The following RASA3 variants were observed in gnomAD, a reference collection of about 807,000 sequenced individuals.
The protein encoded by RASA3 is ras GTPase-activating protein 3.
A neutral mutation model predicts 110.0 loss-of-function variants in RASA3; 73 were observed. The observed-to-expected ratio is 0.66, with a 90% confidence interval of 0.55 to 0.81. The LOEUF (loss-of-function observed/expected upper bound fraction) is 0.81, where lower values mean the gene tolerates loss of function less well. Among genes scored for constraint, RASA3 ranks in the 30% least tolerant of loss-of-function variants. RASA3 has a pLI of 0.00. For missense variants in RASA3, 976 were observed against 1,113.2 expected (o/e 0.88, Z 1.75); for synonymous variants, 500 against 451.4 (o/e 1.11, Z -1.37).
At chr13:114,069,669 AGGGGGCCGGGAAACTG>A (rs2079526836) in intron 2 of RASA3, among the ~76,000 whole-genome samples, 1 of 1,342 alleles carries the variant, frequency 7.5e-4, no homozygotes, top group African/African-American at 3.4e-3. Flanking sequence ...CGGGAAACTG[AGGGGGCCGGGAAACTG>A]GGGGGCCAGG....
At chr13:114,129,195 G>C (rs137980684) in intron 1 of RASA3, among the ~76,000 whole-genome samples, 3 of 152,342 alleles carry the variant, frequency 2.0e-5, no homozygotes, top group African/African-American at 7.2e-5. Context: ...GATCGCATAG[G>C]AAGTGTGGCT....
At chr13:114,033,132 C>T (rs1204456639) in intron 4 of RASA3, among the ~76,000 whole-genome samples, 2 of 96,268 alleles carry the variant, frequency 2.1e-5, no homozygotes, top group Non-Finnish European at 4.1e-5. Flanking sequence ...CACGGAACCC[C>T]CGCACTGACA....
Position 114,114,924 on chromosome 13 carries a change from C to T in RASA3, c.55+17511G>A, listed in dbSNP as rs978045917. Among the ~76,000 whole-genome samples the T allele has an allele frequency of 1.9e-4, 29 of 152,062 alleles. No homozygotes were observed. Among genetic ancestry groups the T allele is most frequent in the African/African-American group, 6.3e-4 (26 of 41,408 alleles). On this transcript the variant is annotated intron_variant, in intron 1 of 23. Coordinates refer to ENST00000334062, the MANE Select transcript of RASA3 (RefSeq NM_007368.4). This position sits in a 1 kb window ranked among gnomAD's most constrained non-coding sequence, Gnocchi z 4.8. ...GAAATTCCCGGGCACGACCCCTGGC[C>T]GTGGGTGAAAGCACCCCCAGCCCCA...
chr13:114,009,258 C>T lies in RASA3; in HGVS notation c.1668+129G>A, dbSNP rs571643284. 26 of 745,444 alleles carry T rather than the reference C, an allele frequency of 3.5e-5. No homozygotes were observed. The East Asian group carries it at 3.5e-4, about 10-fold the overall frequency. 46.2% of individuals were successfully genotyped at this position (745,444 alleles called of 1,614,324 possible). A position where few individuals can be genotyped will look rare whatever the true frequency, so the allele number is the denominator to read the frequency against. On this transcript the variant is annotated intron_variant, in intron 17 of 23. Coordinates refer to ENST00000334062, the MANE Select transcript of RASA3 (RefSeq NM_007368.4). ...TGTCTGGACAGCGCTGTGAATGCAC[C>T]GAACGCCTTTATTGTTTAAAATCGC...
intron 1 of RASA3, among the ~76,000 whole-genome samples, chr13:114,130,699 C>T (rs984459537): frequency 2.6e-5 from 4 of 152,224 alleles, no homozygotes; most frequent in Non-Finnish European, 5.9e-5. Context: ...GAAGTGTAGC[C>T]CTTCCTGGAG....
chr13:113,994,930 C>T (rs1594286435), intron 21 of RASA3, among the ~76,000 whole-genome samples: 1 of 152,310 alleles, frequency 6.6e-6, no homozygotes, highest in South Asian at 2.1e-4. Flanking sequence ...GCTGAGATTG[C>T]ACCACTGTAC....
rs1361504029 is a variant in RASA3 at position 114,018,901 on chromosome 13, C to T, written c.804G>A (p.Arg268=). ...SYEAWYFLQP[R]DNGSKSLKPD... is the part of the protein sequence containing the mutation. The stretch of plus-strand genomic sequence containing the variant: ...GCTTTAGGCTCTTGCTACCATTGTC[C>T]CGGGGCTGGAGGAAGTACCTGGGTG... The change falls in exon 10 of 24, where the codon CGG becomes CGA. Residue 268 remains arginine, a synonymous_variant. Transcript: ENST00000334062. 1.2e-6 allele frequency: 2 copies of T among 1,613,816 alleles called. No individual in the cohort carries two copies. The highest frequency in any genetic ancestry group is 1.7e-6 in the Non-Finnish European group (2 of 1,179,966).
chr13:114,054,371 A>T (rs899724394), intron 2 of RASA3, among the ~76,000 whole-genome samples: 2 of 152,212 alleles, frequency 1.3e-5, no homozygotes, highest in Non-Finnish European at 2.9e-5. Flanking sequence ...GAAAATGCAA[A>T]TTAAACCAGG....
intron 2 of RASA3, among the ~76,000 whole-genome samples, chr13:114,058,592 C>A (rs1361961152): frequency 1.3e-5 from 2 of 152,272 alleles, no homozygotes; most frequent in African/African-American, 2.4e-5. Context: ...ATCTCCTTCC[C>A]TCTCAGAGCA....
chr13:114,053,719 G>C (rs1358559716), intron 2 of RASA3, among the ~76,000 whole-genome samples: 1 of 152,204 alleles, frequency 6.6e-6, no homozygotes, highest in Non-Finnish European at 1.5e-5. Flanking sequence ...GTCAGGTAAA[G>C]ATGTCTTAGA....
intron 2 of RASA3, among the ~76,000 whole-genome samples, chr13:114,066,809 C>T (rs1450825808): frequency 6.6e-6 from 1 of 152,336 alleles, no homozygotes; most frequent in East Asian, 1.9e-4. Context: ...ACAGACAGGA[C>T]CAGGGGCTCT....
At chr13:114,125,659 T>G (rs1476683891) in intron 1 of RASA3, among the ~76,000 whole-genome samples, 1 of 152,144 alleles carries the variant, frequency 6.6e-6, no homozygotes, top group East Asian at 1.9e-4. Context: ...TGCTATTTGC[T>G]CACTCAGCCA....
At chr13:114,081,824 C>A (rs2079792715) in intron 1 of RASA3, among the ~76,000 whole-genome samples, 1 of 152,196 alleles carries the variant, frequency 6.6e-6, no homozygotes, top group African/African-American at 2.4e-5. Flanking sequence ...CAGAGACACA[C>A]CGGTGCTGCA....
At chr13:114,024,234 G>T in intron 8 of RASA3, 45 bp downstream of exon 8, 2 of 1,536,522 alleles carry the variant, frequency 1.3e-6, no homozygotes, top group South Asian at 1.1e-5. Context: ...TGAGGAGTTT[G>T]GGTGAAAACT....
intron 7 of RASA3, among the ~76,000 whole-genome samples, chr13:114,025,456 G>T (rs1045874971): frequency 3.3e-4 from 49 of 150,114 alleles, no homozygotes; most frequent in Admixed American, 2.7e-3. Context: ...TGCAGGGCAG[G>T]TCAGGCAATG....
chr13:114,040,984 G>A lies in RASA3; in HGVS notation c.372+16C>T. On this transcript the variant is annotated intron_variant, in intron 4 of 23. Coordinates refer to ENST00000334062, the MANE Select transcript of RASA3 (RefSeq NM_007368.4). Reference sequence around the variant, plus strand: ...TCCCAGGGCTCTGGTTTCCGGGGCTGCGCCGAGAGTCTCACCTGCACTTCC... The same window carrying A: ...TCCCAGGGCTCTGGTTTCCGGGGCTACGCCGAGAGTCTCACCTGCACTTCC... 1 of 1,612,438 alleles carries A rather than the reference G, an allele frequency of 6.2e-7. No individual in the cohort carries two copies. The highest frequency in any genetic ancestry group is 2.2e-5 in the East Asian group (1 of 44,870).
Position 114,116,740 on chromosome 13 carries a change from G to A in RASA3, c.55+15695C>T, listed in dbSNP as rs150056638. ...CCTCTGCATCAGTGTGGGTGAGCAC[G>A]TGTGTGAGGGGTGCACGTGTGTGAG... is the stretch of plus-strand genomic sequence containing the variant. On this transcript the variant is annotated intron_variant, in intron 1 of 23. Coordinates refer to ENST00000334062, the MANE Select transcript of RASA3 (RefSeq NM_007368.4). Among the ~76,000 whole-genome samples the A allele has an allele frequency of 2.3e-3, 348 of 152,114 alleles. 3 individuals carry two copies. Among genetic ancestry groups the A allele is most frequent in the African/African-American group, 7.8e-3 (325 of 41,450 alleles).
chr13:114,049,386 C>T (rs1044434053), intron 3 of RASA3, among the ~76,000 whole-genome samples: 15 of 152,150 alleles, frequency 9.9e-5, no homozygotes, highest in African/African-American at 3.6e-4. Context: ...GTCCAGTCAC[C>T]ATAATCGTAA....
At position 114,047,307 on chromosome 13, in the gene RASA3, C is replaced by T. The variant is rs182614982; in HGVS notation, c.277+4745G>A. Among the ~76,000 whole-genome samples, 466 of 152,318 alleles carry T rather than the reference C, an allele frequency of 3.1e-3. 2 individuals carry two copies. The highest frequency in any genetic ancestry group is 4.6e-3 in the Admixed American group (70 of 15,304). On this transcript the variant is annotated intron_variant, in intron 3 of 23. Transcript: ENST00000334062. ...ACTAAGCCCAAGAAAAGGTCCTCGA[C>T]GCCACTCTTCACGGACACGCAATAA...
Sources: gnomAD v4.1 joint callset for allele counts (sites outside exome capture counted in the v4.1 genomes callset) on GRCh38, gnomAD v4.1.1 for gene constraint, Gnocchi (gnomAD v3.1) non-coding constraint, MANE v1.5 for transcripts, NCBI Gene and HGNC (gene_info 2026-07-23, HGNC 2026-07-21) for gene names.